Variants in RBFOX1 observed in about 807,000 individuals in gnomAD.
RBFOX1 encodes RNA binding fox-1 homolog 1.
Under a neutral mutation model 57.7 loss-of-function variants are expected in RBFOX1, and 8 were observed. The observed-to-expected ratio is 0.14, with a 90% CI of 0.08 to 0.25. RBFOX1 has a LOEUF of 0.25. RBFOX1 is among the 10% of genes least tolerant of loss of function. RBFOX1 has a pLI of 1.00. For synonymous variants in RBFOX1, 326 were observed against 222.4 expected, an observed-to-expected ratio of 1.47 and a Z score of -4.15; for missense variants, 611 against 548.5, an observed-to-expected ratio of 1.11 and a Z score of -1.14.
chr16:6,511,183 CAA>C (rs964801646), intron 2 of RBFOX1, among the ~76,000 whole-genome samples: 42 of 152,190 alleles, frequency 2.8e-4, no homozygotes, highest in African/African-American at 9.4e-4. Context: ...TGGAAAATCC[CAA>C]AAGAGAAAGA....
intron 3 of RBFOX1, among the ~76,000 whole-genome samples, chr16:6,904,039 A>C (rs1429928357): frequency 6.6e-6 from 1 of 152,154 alleles, no homozygotes; most frequent in Non-Finnish European, 1.5e-5. Flanking sequence ...ACCTGAGGTC[A>C]TACAGAGATA....
intron 4 of RBFOX1, among the ~76,000 whole-genome samples, chr16:7,070,799 C>T (rs923241013): frequency 1.3e-5 from 2 of 152,174 alleles, no homozygotes; most frequent in African/African-American, 4.8e-5. Flanking sequence ...TCCCCTTAGC[C>T]ATTCAGGTGG....
chr16:6,877,504 C>T (rs769250630), intron 3 of RBFOX1, among the ~76,000 whole-genome samples: 31 of 151,934 alleles, frequency 2.0e-4, no homozygotes, highest in Admixed American at 1.4e-3. Flanking sequence ...TTACTGTGGC[C>T]GAAAGGAAAA....
At chr16:7,468,388 G>T (rs117505619) in intron 4 of RBFOX1, among the ~76,000 whole-genome samples, 3,047 of 151,330 alleles carry the variant, frequency 0.02, 51 homozygotes, top group Middle Eastern at 0.049. Context: ...GTGTCAAGCT[G>T]TTAGGGAGAT....
intron 4 of RBFOX1, among the ~76,000 whole-genome samples, chr16:5,978,964 C>G (rs747709454): frequency 1.3e-5 from 2 of 152,188 alleles, no homozygotes; most frequent in Non-Finnish European, 2.9e-5. Context: ...ATGCTGTATT[C>G]TTTGTTACTA....
intron 3 of RBFOX1, among the ~76,000 whole-genome samples, chr16:5,863,612 T>A (rs916357058): frequency 5.9e-5 from 9 of 152,206 alleles, no homozygotes; most frequent in Non-Finnish European, 1.2e-4. Flanking sequence ...TAATATAATT[T>A]TGACTATGAA....
At chr16:7,290,399 A>C (rs1447215535) in intron 4 of RBFOX1, among the ~76,000 whole-genome samples, 3 of 152,232 alleles carry the variant, frequency 2.0e-5, no homozygotes, top group African/African-American at 7.2e-5. Context: ...TTTTTTAACC[A>C]GGTGACCTTA....
intron 3 of RBFOX1, among the ~76,000 whole-genome samples, chr16:5,789,069 A>C (rs1432838917): frequency 2.0e-5 from 3 of 152,182 alleles, no homozygotes; most frequent in Non-Finnish European, 4.4e-5. Context: ...GTCCTTGTGC[A>C]CAAACCCTTC....
chr16:5,875,961 A>G (rs1285513402), intron 4 of RBFOX1, among the ~76,000 whole-genome samples: 2 of 151,374 alleles, frequency 1.3e-5, no homozygotes, highest in Non-Finnish European at 2.9e-5. Context: ...CTCCTGCCTC[A>G]GCCTCCCGAG....
At chr16:6,613,710 G>A (rs28592711) in intron 2 of RBFOX1, among the ~76,000 whole-genome samples, 2,564 of 152,290 alleles carry the variant, frequency 0.017, 85 homozygotes, top group African/African-American at 0.058. Flanking sequence ...ACCAAGGAGG[G>A]CAGATCACTC....
chr16:6,908,833 C>G (rs1301190275), intron 3 of RBFOX1, among the ~76,000 whole-genome samples: 7 of 152,106 alleles, frequency 4.6e-5, no homozygotes, highest in African/African-American at 1.7e-4. Context: ...TTGTGCCAGC[C>G]TCACAAGGCT....
rs567985508 is a variant in RBFOX1, at chr16:7,265,937, G to C, written c.27+213839G>C. ...CTTGGTGCTGTCTTCACGACAGTGA[G>C]TGAGTTATGAGATCTGGTGGGTTTT... On this transcript the variant is annotated intron_variant, in intron 4 of 15. Transcript: ENST00000550418. Among the ~76,000 whole-genome samples the C allele has an allele frequency of 3.4e-5, 5 of 147,110 alleles. No individual in the cohort carries two copies. The South Asian group carries it at 8.9e-4, about 26-fold the overall frequency.
chr16:5,503,970 G>A (rs1281388660), intron 2 of RBFOX1, among the ~76,000 whole-genome samples: 1 of 152,136 alleles, frequency 6.6e-6, no homozygotes, highest in African/African-American at 2.4e-5. Flanking sequence ...CTGAGGCTCA[G>A]CCATGCCCCT....
At chr16:5,672,425 T>A (rs1375043856) in intron 3 of RBFOX1, among the ~76,000 whole-genome samples, 2 of 152,106 alleles carry the variant, frequency 1.3e-5, no homozygotes, top group African/African-American at 4.8e-5. Context: ...CCTTTGCACA[T>A]CCTAGTCTTC....
At chr16:7,022,655 G>A (rs1485948584) in intron 3 of RBFOX1, among the ~76,000 whole-genome samples, 2 of 151,984 alleles carry the variant, frequency 1.3e-5, no homozygotes, top group Non-Finnish European at 2.9e-5. Flanking sequence ...GCCCATCCCC[G>A]TATAGAGCTG....
intron 2 of RBFOX1, among the ~76,000 whole-genome samples, chr16:6,634,617 A>G (rs943131938): frequency 1.4e-5 from 2 of 147,040 alleles, no homozygotes; most frequent in East Asian, 2.0e-4. Flanking sequence ...ATATATGATT[A>G]AAGTATTATA....
chr16:6,716,837 T>C (rs1489609983), intron 3 of RBFOX1, among the ~76,000 whole-genome samples: 1 of 152,200 alleles, frequency 6.6e-6, no homozygotes, highest in Non-Finnish European at 1.5e-5. Flanking sequence ...GTTGACATTA[T>C]GTGAGTGTAA....
At chr16:5,751,552 A>G (rs1471523798) in intron 3 of RBFOX1, among the ~76,000 whole-genome samples, 5 of 152,180 alleles carry the variant, frequency 3.3e-5, no homozygotes, top group African/African-American at 1.2e-4. Flanking sequence ...GTGAATCTGG[A>G]GGATGAACTC....
chr16:6,025,731 G>A (rs1196466782), intron 1 of RBFOX1, among the ~76,000 whole-genome samples: 1 of 152,170 alleles, frequency 6.6e-6, no homozygotes, highest in Non-Finnish European at 1.5e-5. Flanking sequence ...TGCTTATGGA[G>A]AGCTCTGAGT....
Sources: allele counts gnomAD v4.1 joint callset (sites outside exome capture counted in the v4.1 genomes callset), GRCh38; gene constraint gnomAD v4.1.1; transcripts MANE v1.5; gene names NCBI Gene and HGNC (gene_info 2026-07-23, HGNC 2026-07-21).